RSRC1: variants seen among roughly 807,000 people sequenced by gnomAD.
The protein encoded by RSRC1 is arginine and serine rich coiled-coil 1.
RSRC1 carries 39 observed loss-of-function variants against 49.1 expected under a neutral mutation model. The observed-to-expected ratio is 0.79, with a 90% CI of 0.61 to 1.04. The LOEUF (loss-of-function observed/expected upper bound fraction) is 1.04. RSRC1 is among the 50% of genes least tolerant of loss of function. RSRC1 has a pLI of 0.00. For missense variants in RSRC1, 388 were observed against 402.4 expected (o/e 0.96, Z 0.31); for synonymous variants, 143 against 130.8 (o/e 1.09, Z -0.63).
intron 6 of RSRC1, among the ~76,000 whole-genome samples, chr3:158,411,030 C>CT (rs1448004580): frequency 3.3e-5 from 5 of 151,996 alleles, no homozygotes; most frequent in African/African-American, 1.2e-4. Flanking sequence ...TTAAGTTTTG[C>CT]TTCTTTTGAA....
At position 158,294,405 on chromosome 3, in the gene RSRC1, C is replaced by A. The variant is rs184008335; in HGVS notation, c.495-3634C>A. ...TTTTCATACTTATATTTCTAAAAAT[C>A]ATCTCTTTGAAGATGTTATTATGTT... On this transcript the variant is annotated intron_variant, in intron 4 of 9. Transcript: ENST00000611884. Among the ~76,000 whole-genome samples the A allele has an allele frequency of 1.4e-4, 22 of 152,164 alleles. No individual in the cohort carries two copies. The East Asian group carries it at 4.1e-3, about 28-fold the overall frequency.
At chr3:158,301,572 A>G in intron 5 of RSRC1, among the ~76,000 whole-genome samples, 1 of 152,160 alleles carries the variant, frequency 6.6e-6, no homozygotes, top group Middle Eastern at 3.2e-3. Flanking sequence ...ACTCCTAATA[A>G]CACCAATACT....
At chr3:158,190,557 G>A (rs1321723004) in intron 3 of RSRC1, among the ~76,000 whole-genome samples, 1 of 147,360 alleles carries the variant, frequency 6.8e-6, no homozygotes, top group Admixed American at 6.7e-5. Flanking sequence ...AAATAAATTG[G>A]TTTTTTTTCC....
chr3:158,229,265 T>C (rs1174358702), intron 4 of RSRC1, among the ~76,000 whole-genome samples: 1 of 106,584 alleles, frequency 9.4e-6, no homozygotes, highest in African/African-American at 3.7e-5. Context: ...CATGTATATG[T>C]GTATGTATGT....
intron 5 of RSRC1, among the ~76,000 whole-genome samples, chr3:158,313,414 AAT>A (rs1344147354): frequency 1.3e-5 from 2 of 152,180 alleles, no homozygotes; most frequent in African/African-American, 4.8e-5. Context: ...ATTATGTTTT[AAT>A]ATGTGTCTCT....
At chr3:158,489,961 ATGTGGTG>A in intron 7 of RSRC1, among the ~76,000 whole-genome samples, 1 of 152,226 alleles carries the variant, frequency 6.6e-6, no homozygotes, top group Non-Finnish European at 1.5e-5. Context: ...ATTATCCATT[ATGTGGTG>A]AAAAAACATA....
intron 5 of RSRC1, among the ~76,000 whole-genome samples, chr3:158,345,070 A>G (rs923540713): frequency 9.9e-5 from 15 of 152,002 alleles, no homozygotes; most frequent in African/African-American, 3.6e-4. Flanking sequence ...AAATAAAAAA[A>G]AAAAAAATGT....
At chr3:158,161,231 C>T (rs983274761) in intron 3 of RSRC1, among the ~76,000 whole-genome samples, 1 of 152,166 alleles carries the variant, frequency 6.6e-6, no homozygotes, top group Non-Finnish European at 1.5e-5. Context: ...CTGATCTATG[C>T]TGGGCTCCTT....
chr3:158,250,057 AC>A (rs1462074762), intron 4 of RSRC1, among the ~76,000 whole-genome samples: 1 of 152,202 alleles, frequency 6.6e-6, no homozygotes, highest in Non-Finnish European at 1.5e-5. Flanking sequence ...ATAAGTGAGA[AC>A]ATGTGAAGTT....
At chr3:158,473,601 A>G (rs1325468446) in intron 7 of RSRC1, among the ~76,000 whole-genome samples, 3 of 152,234 alleles carry the variant, frequency 2.0e-5, no homozygotes, top group Admixed American at 6.5e-5. Context: ...AACATGGCAC[A>G]TGTATACATA....
intron 6 of RSRC1, among the ~76,000 whole-genome samples, chr3:158,433,214 G>A (rs144179602): frequency 1.1e-3 from 169 of 151,928 alleles, no homozygotes; most frequent in African/African-American, 3.8e-3. Context: ...GAAACTATAC[G>A]TATTTTTTCT....
intron 4 of RSRC1, among the ~76,000 whole-genome samples, chr3:158,261,181 G>A (rs138474785): frequency 5.8e-4 from 88 of 152,238 alleles, no homozygotes; most frequent in African/African-American, 2.0e-3. Flanking sequence ...TTAACAGATT[G>A]CCAAATTATT....
intron 4 of RSRC1, among the ~76,000 whole-genome samples, chr3:158,217,311 G>A (rs1380689886): frequency 1.3e-5 from 2 of 151,766 alleles, no homozygotes; most frequent in Non-Finnish European, 1.5e-5. Flanking sequence ...GTATGTGTGG[G>A]TTCTAGCGTT....
chr3:158,365,614 G>C (rs1731720314), intron 6 of RSRC1, among the ~76,000 whole-genome samples: 2 of 152,156 alleles, frequency 1.3e-5, no homozygotes, highest in African/African-American at 4.8e-5. Flanking sequence ...ACATACATGT[G>C]CATGTGTCTT....
At chr3:158,394,449 T>C (rs1474919184) in intron 6 of RSRC1, among the ~76,000 whole-genome samples, 1 of 152,020 alleles carries the variant, frequency 6.6e-6, no homozygotes, top group East Asian at 1.9e-4. Context: ...CCTGAAACTT[T>C]GCTGAAGTCA....
At chr3:158,168,715 GATA>G (rs1225042688) in intron 3 of RSRC1, among the ~76,000 whole-genome samples, 3 of 152,126 alleles carry the variant, frequency 2.0e-5, no homozygotes, top group East Asian at 1.9e-4. Flanking sequence ...GGATTATCTA[GATA>G]ATAATGATAC....
At chr3:158,507,537 C>G (rs943853067) in intron 7 of RSRC1, among the ~76,000 whole-genome samples, 21 of 151,956 alleles carry the variant, frequency 1.4e-4, no homozygotes, top group African/African-American at 5.1e-4. Flanking sequence ...AAAAATTGTT[C>G]AGGGCTCACA....
At chr3:158,151,690 G>C (rs990032010) in intron 3 of RSRC1, among the ~76,000 whole-genome samples, 4 of 152,122 alleles carry the variant, frequency 2.6e-5, no homozygotes, top group African/African-American at 9.7e-5. Flanking sequence ...AATCTAGTGA[G>C]AAAACATATA....
chr3:158,143,633 T>C (rs149510635), intron 3 of RSRC1, among the ~76,000 whole-genome samples: 4 of 152,340 alleles, frequency 2.6e-5, no homozygotes, highest in African/African-American at 9.6e-5. Context: ...GTTATGTTAC[T>C]AACATAGTAT....
Sources: allele counts gnomAD v4.1 joint callset (sites outside exome capture counted in the v4.1 genomes callset), GRCh38; gene constraint gnomAD v4.1.1; transcripts MANE v1.5; gene names NCBI Gene and HGNC (gene_info 2026-07-23, HGNC 2026-07-21).